SCNN1B: variants seen among roughly 807,000 people sequenced by gnomAD.
The protein encoded by SCNN1B is sodium channel epithelial 1 subunit beta, also known as epithelial sodium channel subunit beta.
In SCNN1B, 46 loss-of-function variants were observed where a neutral mutation model predicts 65.3. The ratio of observed to expected loss-of-function variants is 0.70; its 90% confidence interval spans 0.56 to 0.90. The LOEUF (loss-of-function observed/expected upper bound fraction) is 0.90. Among genes scored for constraint, SCNN1B ranks in the 40% least tolerant of loss-of-function variants. SCNN1B has a pLI of 0.00. For missense variants in SCNN1B, 751 were observed against 830.5 expected (o/e 0.90, Z 1.18); for synonymous variants, 349 against 330.6 (o/e 1.06, Z -0.60).
chr16:23,362,148 C>T (rs756829043), intron 4 of SCNN1B, among the ~76,000 whole-genome samples: 8 of 151,790 alleles, frequency 5.3e-5, no homozygotes, highest in African/African-American at 1.7e-4. Context: ...AGTTTGACAC[C>T]GGTCTGGCCA....
At chr16:23,355,193 T>C (rs1156790591) in intron 3 of SCNN1B, 106 bp from the exon 4 acceptor site, 3 of 1,118,930 alleles carry the variant, frequency 2.7e-6, no homozygotes, top group Non-Finnish European at 4.1e-6. Context: ...GCCAGAAAGG[T>C]GGCTGGCAAA....
intron 1 of SCNN1B, among the ~76,000 whole-genome samples, chr16:23,280,689 G>C (rs1353430362): frequency 6.6e-6 from 1 of 152,168 alleles, no homozygotes; most frequent in East Asian, 1.9e-4. Context: ...GGAAATGTCA[G>C]AAGCTTCCTC....
chr16:23,361,733 G>A (rs912771716), intron 4 of SCNN1B, among the ~76,000 whole-genome samples: 4 of 152,048 alleles, frequency 2.6e-5, no homozygotes, highest in African/African-American at 4.8e-5. Context: ...GGATGCCCCC[G>A]CCCTAGAATC....
At chr16:23,340,662 C>G (rs1962036569) in intron 1 of SCNN1B, among the ~76,000 whole-genome samples, 1 of 152,106 alleles carries the variant, frequency 6.6e-6, no homozygotes, top group Non-Finnish European at 1.5e-5. Context: ...GCCCAAGGAA[C>G]TGGAATTACA....
chr16:23,311,193 G>A (rs1400982626), intron 1 of SCNN1B, among the ~76,000 whole-genome samples: 2 of 152,270 alleles, frequency 1.3e-5, no homozygotes, highest in Non-Finnish European at 2.9e-5. Flanking sequence ...TCGGCACTGT[G>A]AGAACAAGCA....
chr16:23,316,767 C>G lies in SCNN1B; in HGVS notation c.-9+14330C>G, dbSNP rs542506036. 2.2e-3 allele frequency among the ~76,000 whole-genome samples: 332 copies of G among 148,454 alleles called. 2 individuals carry two copies. The highest frequency in any genetic ancestry group is 6.8e-3 in the African/African-American group (279 of 40,940). On this transcript the variant is annotated intron_variant, in intron 1 of 12. Transcript: ENST00000343070. ...ACTGTCACCATCCTCACCATCATCA[C>G]CATCACCATCATCAACACCATCACT... is the stretch of plus-strand genomic sequence containing the variant.
At chr16:23,368,062 G>A in intron 5 of SCNN1B, 103 bp downstream of exon 5, 5 of 944,852 alleles carry the variant, frequency 5.3e-6, no homozygotes, top group Non-Finnish European at 8.7e-6. Flanking sequence ...ACTGAGGGGG[G>A]ACCAAGGCAT....
At chr16:23,327,053 A>T (rs939797029) in intron 1 of SCNN1B, among the ~76,000 whole-genome samples, 18 of 152,062 alleles carry the variant, frequency 1.2e-4, no homozygotes, top group African/African-American at 4.3e-4. Flanking sequence ...AGAAGCTGGG[A>T]CTACAGGCAT....
At chr16:23,332,515 A>G (rs570488519) in intron 1 of SCNN1B, among the ~76,000 whole-genome samples, 1 of 151,738 alleles carries the variant, frequency 6.6e-6, no homozygotes, top group South Asian at 2.1e-4. Context: ...TATTTTTTGT[A>G]GAGACGGGAT....
chr16:23,312,264 C>T (rs948329262), intron 1 of SCNN1B, among the ~76,000 whole-genome samples: 23 of 152,322 alleles, frequency 1.5e-4, no homozygotes, highest in Middle Eastern at 3.4e-3. Flanking sequence ...GCTACCTCGC[C>T]TGGCTCCTTA....
Position 23,377,214 on chromosome 16 carries a change from C to A in SCNN1B, c.1320C>A (p.Cys440Ter). Residue 440 changes from cysteine to a stop codon, truncating the protein, a stop_gained, in exon 9 of 13, where the codon TGC becomes TGA. Coordinates refer to ENST00000343070, the MANE Select transcript of SCNN1B (RefSeq NM_000336.3). LOFTEE classifies it high-confidence loss of function. The part of the protein sequence containing the change: ...LQMSVAQRET[C>*]IGMCKESCND... ...TGAGCGTGGCGCAGAGAGAGACCTG[C>A]ATTGGCATGTGCAAGGAGTCCTGCA... 1 of 1,614,242 alleles carries A rather than the reference C, an allele frequency of 6.2e-7. No individual in the cohort carries two copies. The highest frequency in any genetic ancestry group is 8.5e-7 in the Non-Finnish European group (1 of 1,180,048).
In SCNN1B at chr16:23,380,399, C is replaced by A. The variant is rs1364724686; in HGVS notation, c.1543-22C>A. 1 of 1,613,854 alleles carries A rather than the reference C, an allele frequency of 6.2e-7. No homozygotes were observed. The highest frequency in any genetic ancestry group is 8.5e-7 in the Non-Finnish European group (1 of 1,180,024). On this transcript the variant is annotated intron_variant, in intron 12 of 12. Coordinates refer to ENST00000343070, the MANE Select transcript of SCNN1B (RefSeq NM_000336.3). The surrounding 1 kb of genome is among the most constrained non-coding windows in gnomAD (Gnocchi z 5.4). ...GCAAGAATGTGTGGCCTGAGCTCAC[C>A]CCAGCTCCCTGTTCCCCACAGATCG...
rs777897673 is a variant in SCNN1B, at chr16:23,352,822, G to A, written c.333G>A (p.Leu111=). 6.8e-6 allele frequency: 11 copies of A among 1,614,128 alleles called. No homozygotes were observed. The highest frequency in any genetic ancestry group is 2.2e-5 in the East Asian group (1 of 44,888). Residue 111 remains leucine (L), a synonymous_variant, in exon 3 of 13, where the codon TTG becomes TTA. Transcript: ENST00000343070. The part of the protein sequence containing the change: ...SPFKYSKIKH[L]LKDLDELMEA... ...CCAGGTATTCCAAAATCAAGCATTT[G>A]CTGAAGGACCTGGATGAGCTGATGG... is the stretch of plus-strand genomic sequence containing the variant.
chr16:23,310,238 C>T (rs1456261232), intron 1 of SCNN1B, among the ~76,000 whole-genome samples: 1 of 141,878 alleles, frequency 7.0e-6, no homozygotes, highest in African/African-American at 2.7e-5. Context: ...TAATAAAAGG[C>T]CTTCAAGATT....
chr16:23,317,798 C>G (rs1419792240), intron 1 of SCNN1B, among the ~76,000 whole-genome samples: 2 of 152,206 alleles, frequency 1.3e-5, no homozygotes, highest in Admixed American at 1.3e-4. Flanking sequence ...TGTCTTGCCT[C>G]CAGCCTCTAG....
chr16:23,349,038 C>A (rs1191147381), intron 2 of SCNN1B, 128 bp downstream of exon 2: 1 of 759,530 alleles, frequency 1.3e-6, no homozygotes, highest in Admixed American at 2.3e-5. Flanking sequence ...TTTATTTCTC[C>A]CCTTTCTTCC....
At chr16:23,292,289 G>T (rs1325245148) in intron 2 of SCNN1B, among the ~76,000 whole-genome samples, 2 of 151,512 alleles carry the variant, frequency 1.3e-5, no homozygotes, top group African/African-American at 4.8e-5. Context: ...CGCCTACAGG[G>T]TTCATGCCAT....
intron 4 of SCNN1B, among the ~76,000 whole-genome samples, chr16:23,361,998 C>T (rs1236840195): frequency 2.6e-5 from 4 of 152,028 alleles, no homozygotes; most frequent in Non-Finnish European, 5.9e-5. Flanking sequence ...CAGGAGAGAG[C>T]CAACAAGACT....
upstream of SCNN1B, among the ~76,000 whole-genome samples, chr16:23,301,113 C>T (rs1049486580): frequency 5.6e-4 from 85 of 151,842 alleles, no homozygotes; most frequent in African/African-American, 1.8e-3. Flanking sequence ...CCTGTAATCC[C>T]AACACTTTGG....
Sources: gnomAD v4.1 joint callset for allele counts (sites outside exome capture counted in the v4.1 genomes callset) on GRCh38, gnomAD v4.1.1 for gene constraint, Gnocchi (gnomAD v3.1) non-coding constraint, MANE v1.5 for transcripts, NCBI Gene and HGNC (gene_info 2026-07-23, HGNC 2026-07-21) for gene names.